Variants in IRGM observed in about 807,000 individuals in gnomAD.
IRGM encodes immunity-related GTPase family M protein.
For synonymous variants in IRGM, 98 were observed against 80.6 expected (o/e 1.22, Z -1.16); for missense variants, 288 against 219.9 (o/e 1.31, Z -1.96).
In IRGM at chr5:150,872,970, C is replaced by G. The variant is rs1475272152; in HGVS notation, c.159-5010C>G. Reference sequence around the variant, plus strand: ...TGAAGAGCTCTGTGATTGCTCTTCTCTGTATGCCAGATCTAACAGTGGGAA... The same window carrying G: ...TGAAGAGCTCTGTGATTGCTCTTCTGTGTATGCCAGATCTAACAGTGGGAA... On this transcript the variant is annotated intron_variant and NMD_transcript_variant, in intron 1 of 3. Coordinates refer to the IRGM transcript ENST00000520549. Among the ~76,000 whole-genome samples the G allele has an allele frequency of 2.0e-5, 3 of 152,286 alleles. No individual in the cohort carries two copies. In the East Asian group the frequency reaches 5.8e-4, roughly 29 times the overall value.
intron 3 of IRGM, among the ~76,000 whole-genome samples, chr5:150,880,664 C>G (rs1352530562): frequency 1.3e-5 from 2 of 152,156 alleles, no homozygotes; most frequent in Non-Finnish European, 2.9e-5. Context: ...TACCTTCTTG[C>G]TATCATATTC....
At chr5:150,891,091 T>C (rs1164023919) in intron 3 of IRGM, among the ~76,000 whole-genome samples, 4 of 152,118 alleles carry the variant, frequency 2.6e-5, no homozygotes. Flanking sequence ...TTATCAGTTA[T>C]TGCTTCATGT....
At chr5:150,854,672 A>C (rs1754026856) in intron 1 of IRGM, among the ~76,000 whole-genome samples, 1 of 152,154 alleles carries the variant, frequency 6.6e-6, no homozygotes, top group Admixed American at 6.5e-5. Flanking sequence ...CTGCTGAGAA[A>C]CTTACTGAAA....
intron 1 of IRGM, among the ~76,000 whole-genome samples, chr5:150,867,684 T>C (rs7705914): frequency 0.013 from 2,050 of 152,100 alleles, 21 homozygotes; most frequent in Non-Finnish European, 0.018. Context: ...CTTGCAGGAG[T>C]AAGATAGTAT....
intron 3 of IRGM, chr5:150,894,452 T>A (rs556635350): frequency 2.6e-5 from 4 of 152,166 alleles, no homozygotes; most frequent in African/African-American, 9.6e-5. Context: ...ATCCAAGTAT[T>A]AAAAAACACA....
At chr5:150,849,458 CAAAAT>C (rs1753939730), downstream of IRGM, among the ~76,000 whole-genome samples, 1 of 151,902 alleles carries the variant, frequency 6.6e-6, no homozygotes, top group South Asian at 2.1e-4. Context: ...AAATATAGCA[CAAAAT>C]AAAATGTTAC....
At chr5:150,873,550 AG>A (rs1754317920) in intron 1 of IRGM, among the ~76,000 whole-genome samples, 1 of 152,202 alleles carries the variant, frequency 6.6e-6, no homozygotes, top group African/African-American at 2.4e-5. Flanking sequence ...CACTGATTTC[AG>A]GGACCTAAAA....
Position 150,866,554 on chromosome 5 carries a change from TAAAG to T in IRGM, c.159-11422_159-11419del, listed in dbSNP as rs975489762. Among the ~76,000 whole-genome samples the T allele has an allele frequency of 5.3e-5, 8 of 152,134 alleles. No individual in the cohort carries two copies. The East Asian group carries it at 7.7e-4, about 15-fold the overall frequency. ...CCATTGTCTTTTTGGTAATGTTACA[TAAAG>T]AAACTTCTGACAAAAATCAATAAAA... On this transcript the variant is annotated intron_variant and NMD_transcript_variant, in intron 1 of 3. Transcript: ENST00000520549.
chr5:150,863,128 G>T (rs1754159820), intron 1 of IRGM, among the ~76,000 whole-genome samples: 1 of 152,158 alleles, frequency 6.6e-6, no homozygotes, highest in Non-Finnish European at 1.5e-5. Context: ...CTAATTTAGG[G>T]TTTGTGTCTG....
chr5:150,887,594 C>A (rs1754545203), intron 3 of IRGM, among the ~76,000 whole-genome samples: 1 of 144,798 alleles, frequency 6.9e-6, no homozygotes, highest in African/African-American at 2.6e-5. Context: ...AGAACTCCTG[C>A]AAGATTCTAC....
intron 1 of IRGM, among the ~76,000 whole-genome samples, chr5:150,863,779 A>C (rs929287164): frequency 6.6e-6 from 1 of 152,234 alleles, no homozygotes; most frequent in African/African-American, 2.4e-5. Context: ...TTCATTCCCA[A>C]GTATAGTGCT....
intron 3 of IRGM, among the ~76,000 whole-genome samples, chr5:150,889,821 G>T (rs1474109834): frequency 6.6e-6 from 1 of 151,884 alleles, no homozygotes; most frequent in Non-Finnish European, 1.5e-5. Flanking sequence ...TGCTAATGTG[G>T]TGACTTACAT....
At chr5:150,887,035 G>T (rs1371512481) in intron 3 of IRGM, among the ~76,000 whole-genome samples, 1 of 151,886 alleles carries the variant, frequency 6.6e-6, no homozygotes, top group African/African-American at 2.4e-5. Flanking sequence ...TTTGATGTGG[G>T]CATTTAGTGC....
rs1391709452 is a variant in IRGM, at chr5:150,858,585, A to G, written c.158+9931A>G. On this transcript the variant is annotated intron_variant and NMD_transcript_variant, in intron 1 of 3. Transcript: ENST00000520549. ...ATGGAATGTTCTTCCATTTGTTTGT[A>G]TCCTCTTTTATTTCCTTGAGCAGTG... Among the ~76,000 whole-genome samples the G allele has an allele frequency of 2.6e-5, 4 of 151,894 alleles. 1 individual carries two copies. The highest frequency in any genetic ancestry group is 2.1e-4 in the South Asian group (1 of 4,804).
At chr5:150,862,293 T>C (rs1441512195) in intron 1 of IRGM, among the ~76,000 whole-genome samples, 1 of 152,234 alleles carries the variant, frequency 6.6e-6, no homozygotes, top group Admixed American at 6.5e-5. Flanking sequence ...TCTTACGTAA[T>C]GTAGTCACAG....
intron 3 of IRGM, chr5:150,900,525 T>C (rs959404040): frequency 6.6e-6 from 1 of 152,134 alleles, no homozygotes; most frequent in African/African-American, 2.4e-5. Flanking sequence ...TGTTAGTTTC[T>C]ACATCTCTTT....
At chr5:150,874,035 A>G (rs879466080) in intron 1 of IRGM, among the ~76,000 whole-genome samples, 5 of 152,226 alleles carry the variant, frequency 3.3e-5, no homozygotes, top group Non-Finnish European at 5.9e-5. Flanking sequence ...CAGCTACTGT[A>G]CCAGAAATGG....
downstream of IRGM, among the ~76,000 whole-genome samples, chr5:150,849,790 A>G (rs1753946988): frequency 6.6e-6 from 1 of 151,972 alleles, no homozygotes; most frequent in South Asian, 2.1e-4. Flanking sequence ...TATTTTTAGT[A>G]GAGACCGGGT....
intron 3 of IRGM, chr5:150,895,566 A>C (rs1361609052): frequency 6.2e-7 from 1 of 1,613,586 alleles, no homozygotes. Context: ...CTTCTGAGAA[A>C]AGGCCTTTCC....
Sources: allele counts gnomAD v4.1 joint callset (sites outside exome capture counted in the v4.1 genomes callset), GRCh38; gene constraint gnomAD v4.1.1; transcripts MANE v1.5; gene names NCBI Gene and HGNC (gene_info 2026-07-23, HGNC 2026-07-21).